JPH2: variants seen among roughly 807,000 people sequenced by gnomAD.
JPH2 encodes junctophilin-2.
Under a neutral mutation model 55.9 loss-of-function variants are expected in JPH2, and 38 were observed. The observed-to-expected ratio is 0.68, with a 90% confidence interval of 0.52 to 0.89. The LOEUF is 0.89. Ranked by LOEUF, JPH2 falls within the 40% of genes least tolerant of loss-of-function variation. The probability of loss-of-function intolerance (pLI) is 0.00; values close to 1 mark genes in which losing one functional copy is unlikely to be tolerated. For synonymous variants in JPH2, 480 were observed against 472.4 expected (o/e 1.02, Z -0.21); for missense variants, 964 against 1,037.6 (o/e 0.93, Z 0.97).
At chr20:44,175,001 T>TAA (rs11483850) in intron 1 of JPH2, among the ~76,000 whole-genome samples, 18 of 150,370 alleles carry the variant, frequency 1.2e-4, no homozygotes, top group Admixed American at 5.9e-4. Flanking sequence ...TGTCTCAAAT[T>TAA]AAAAAAAAAG....
chr20:44,185,034 C>T (rs1056373543), intron 1 of JPH2, among the ~76,000 whole-genome samples: 6 of 152,166 alleles, frequency 3.9e-5, no homozygotes, highest in Non-Finnish European at 4.4e-5. Flanking sequence ...CCACAGCTTC[C>T]CAAAGTGCTG....
intron 2 of JPH2, among the ~76,000 whole-genome samples, chr20:44,146,816 C>T (rs898413153): frequency 6.6e-6 from 1 of 152,154 alleles, no homozygotes; most frequent in East Asian, 1.9e-4. Context: ...TAGCACATAG[C>T]TCCAGCAGCA....
At chr20:44,153,852 T>C (rs1280143497) in intron 2 of JPH2, among the ~76,000 whole-genome samples, 1 of 152,188 alleles carries the variant, frequency 6.6e-6, no homozygotes, top group East Asian at 1.9e-4. Flanking sequence ...AGAAAAGATA[T>C]AGCAAGCAAG....
intron 2 of JPH2, among the ~76,000 whole-genome samples, chr20:44,149,568 C>T (rs1391147424): frequency 6.6e-6 from 1 of 152,224 alleles, no homozygotes; most frequent in Non-Finnish European, 1.5e-5. Context: ...TTCCCTGCTG[C>T]TCCATCCCAC....
rs140112513 is a variant in JPH2 at position 44,185,269 on chromosome 20, C to T, written c.379+1058G>A. ...TTGCAGTGAGCTGTGATTGTGCCACCGCACTTCAGCCTGAGCAACAAAGCA... is the reference window on the plus strand; with the variant it reads ...TTGCAGTGAGCTGTGATTGTGCCACTGCACTTCAGCCTGAGCAACAAAGCA... On this transcript the variant is annotated intron_variant, in intron 1 of 5. Coordinates refer to ENST00000372980, the MANE Select transcript of JPH2 (RefSeq NM_020433.5). Among the ~76,000 whole-genome samples the T allele has an allele frequency of 2.5e-3, 375 of 152,198 alleles. 11 individuals carry two copies. The East Asian group carries it at 0.047, about 19-fold the overall frequency.
At chr20:44,120,646 T>C (rs969330465) in intron 2 of JPH2, among the ~76,000 whole-genome samples, 26 of 152,288 alleles carry the variant, frequency 1.7e-4, no homozygotes, top group Non-Finnish European at 2.8e-4. Context: ...AGGGCAGTGG[T>C]GTCCAATCTT....
intron 2 of JPH2, among the ~76,000 whole-genome samples, chr20:44,141,343 G>A (rs1214339541): frequency 6.6e-6 from 1 of 152,088 alleles, no homozygotes; most frequent in Non-Finnish European, 1.5e-5. Context: ...GGTGTGCAGT[G>A]GCTATTTCTG....
chr20:44,162,101 G>A (rs144369940), intron 1 of JPH2, among the ~76,000 whole-genome samples: 291 of 152,188 alleles, frequency 1.9e-3, no homozygotes, highest in Non-Finnish European at 3.2e-3. Context: ...GATACATAAC[G>A]TTCACTGCAC....
At chr20:44,121,484 GT>G (rs763108915) in intron 2 of JPH2, among the ~76,000 whole-genome samples, 2 of 152,192 alleles carry the variant, frequency 1.3e-5, no homozygotes, top group Non-Finnish European at 2.9e-5. Context: ...GTGAGGTAGT[GT>G]TTACCGGTCC....
intron 2 of JPH2, among the ~76,000 whole-genome samples, chr20:44,122,556 C>T (rs2072244801): frequency 6.6e-6 from 1 of 152,214 alleles, no homozygotes; most frequent in Admixed American, 6.5e-5. Context: ...CACTTACTCA[C>T]TCACCTCACC....
At chr20:44,174,666 C>CGGG (rs1453255037) in intron 1 of JPH2, among the ~76,000 whole-genome samples, 1 of 151,854 alleles carries the variant, frequency 6.6e-6, no homozygotes, top group Admixed American at 6.6e-5. Context: ...CCCAGCTACT[C>CGGG]GGGAGGCTGA....
chr20:44,145,161 G>T (rs1253674837), intron 2 of JPH2, among the ~76,000 whole-genome samples: 2 of 152,078 alleles, frequency 1.3e-5, no homozygotes, highest in Admixed American at 1.3e-4. Context: ...GCACTGATCC[G>T]AATCCCTGGG....
chr20:44,130,132 A>G (rs2072307340), intron 2 of JPH2, among the ~76,000 whole-genome samples: 1 of 152,246 alleles, frequency 6.6e-6, no homozygotes, highest in African/African-American at 2.4e-5. Context: ...TGCACTTTAC[A>G]GCGGAAGAAA....
intron 2 of JPH2, among the ~76,000 whole-genome samples, chr20:44,124,905 C>T (rs1319195439): frequency 6.6e-6 from 1 of 151,716 alleles, no homozygotes; most frequent in Non-Finnish European, 1.5e-5. Flanking sequence ...ACTAGGAGAT[C>T]AAGACCAGCC....
At chr20:44,158,727 T>C (rs1033890746) in intron 2 of JPH2, among the ~76,000 whole-genome samples, 2 of 152,052 alleles carry the variant, frequency 1.3e-5, no homozygotes, top group African/African-American at 4.8e-5. Flanking sequence ...GTTGAATGAA[T>C]AGAAGTTTGG....
At chr20:44,162,745 CATATATATATATATATAT>C (rs1157323951) in intron 1 of JPH2, among the ~76,000 whole-genome samples, 38 of 52,472 alleles carry the variant, frequency 7.2e-4, no homozygotes, top group African/African-American at 1.9e-3. Flanking sequence ...AATAAACTTC[CATATATATATATATATAT>C]ATATATATAT....
At chr20:44,186,212 A>C (rs1278121464) in intron 1 of JPH2, 115 bp downstream of exon 1, 1 of 1,207,598 alleles carries the variant, frequency 8.3e-7, no homozygotes, top group African/African-American at 1.5e-5. Context: ...ACAGCAAATC[A>C]CTTCCTAGCC....
chr20:44,138,297 C>G (rs1156407164), intron 2 of JPH2, among the ~76,000 whole-genome samples: 2 of 151,850 alleles, frequency 1.3e-5, no homozygotes, highest in Non-Finnish European at 2.9e-5. Flanking sequence ...TCCCAAAGTG[C>G]TGGGATTACA....
At chr20:44,146,346 T>C (rs1045845914) in intron 2 of JPH2, among the ~76,000 whole-genome samples, 3 of 152,058 alleles carry the variant, frequency 2.0e-5, no homozygotes, top group Non-Finnish European at 4.4e-5. Context: ...ATGGTCACCA[T>C]TGTTCTAACA....
Sources: allele counts gnomAD v4.1 joint callset (sites outside exome capture counted in the v4.1 genomes callset), GRCh38; gene constraint gnomAD v4.1.1; transcripts MANE v1.5; gene names NCBI Gene and HGNC (gene_info 2026-07-23, HGNC 2026-07-21).